The following MED12L variants were observed in gnomAD, a reference collection of about 807,000 sequenced individuals.
The protein encoded by MED12L is mediator of RNA polymerase II transcription subunit 12-like protein.
MED12L carries 60 observed loss-of-function variants against 281.3 expected under a neutral mutation model. The observed-to-expected ratio is 0.21, with a 90% CI of 0.17 to 0.26. The LOEUF is 0.26. MED12L is among the 10% of genes least tolerant of loss of function. The pLI, the probability that MED12L is intolerant of heterozygous loss-of-function variation, is 1.00. For synonymous variants in MED12L, 974 were observed against 987.2 expected, an observed-to-expected ratio of 0.99 and a Z score of 0.25; for missense variants, 2,146 against 2,680.9, an observed-to-expected ratio of 0.80 and a Z score of 4.41.
intron 38 of MED12L, among the ~76,000 whole-genome samples, chr3:151,392,399 A>G (rs112390110): frequency 0.013 from 1,938 of 151,310 alleles, 24 homozygotes; most frequent in African/African-American, 0.026. Flanking sequence ...CTAGGAGGCA[A>G]AGGTTGCTTG....
At chr3:151,355,029 A>G (rs1379116547) in intron 17 of MED12L, 92 bp from the exon 18 acceptor site, 1 of 855,642 alleles carries the variant, frequency 1.2e-6, no homozygotes, top group Non-Finnish European at 1.9e-6. Context: ...ACTTTTCTGT[A>G]TGTATGCTAT....
chr3:151,210,222 C>T (rs998911366), intron 16 of MED12L, among the ~76,000 whole-genome samples: 1 of 152,190 alleles, frequency 6.6e-6, no homozygotes, highest in Non-Finnish European at 1.5e-5. Flanking sequence ...TGGAATCAGA[C>T]ATGCTGATTG....
rs777345417 is a variant in MED12L at position 151,114,754 on chromosome 3, G to GT, written c.100-1570dup. On this transcript the variant is annotated intron_variant, in intron 2 of 44. Coordinates refer to ENST00000687756, the MANE Select transcript of MED12L (RefSeq NM_001393769.1). ...ATGATAATCTGGGTAGGGCAAGAAG[G>GT]TTTTTTTTTTTTTTCTTTTTTAAAG... Among the ~76,000 whole-genome samples, 1,267 of 138,934 alleles carry GT rather than the reference G, an allele frequency of 9.1e-3. 12 individuals carry two copies. The highest frequency in any genetic ancestry group is 0.022 in the African/African-American group (835 of 38,074). The allele number at this position is 138,934 out of a possible 152,430, so 91.1% of individuals were successfully genotyped here. A position where few individuals can be genotyped will look rare whatever the true frequency, so the allele number is the denominator to read the frequency against.
chr3:151,216,515 G>A (rs537822409), intron 16 of MED12L, among the ~76,000 whole-genome samples: 7 of 152,158 alleles, frequency 4.6e-5, no homozygotes, highest in African/African-American at 7.2e-5. Flanking sequence ...TTGTTTCTGC[G>A]TATTTTCCTT....
Position 151,360,608 on chromosome 3 carries a change from GAGT to G in MED12L, c.2957+6_2957+8del, listed in dbSNP as rs1754488732. 3 of 1,608,028 alleles carry G rather than the reference GAGT, an allele frequency of 1.9e-6. No individual in the cohort carries two copies. ...AGTAAATTTGGAGACCTCTTCAGGT[GAGT>G]AGAAGAGACTCAAAAGGACAGAAAT... On this transcript the variant is annotated splice_donor_5th_base_variant and intron_variant, in intron 21 of 44. Coordinates refer to ENST00000687756, the MANE Select transcript of MED12L (RefSeq NM_001393769.1).
At chr3:151,344,576 G>A (rs929472945) in intron 16 of MED12L, among the ~76,000 whole-genome samples, 1 of 152,120 alleles carries the variant, frequency 6.6e-6, no homozygotes, top group African/African-American at 2.4e-5. Flanking sequence ...TCTTAGAGAC[G>A]TGATAGGTTG....
At chr3:151,163,146 G>A (rs75454142) in intron 8 of MED12L, among the ~76,000 whole-genome samples, 4,729 of 152,200 alleles carry the variant, frequency 0.031, 225 homozygotes, top group African/African-American at 0.1. Flanking sequence ...TTTGGTAAAG[G>A]TGGGGGATAA....
chr3:151,197,537 A>G (rs1049418913), intron 16 of MED12L, among the ~76,000 whole-genome samples: 3 of 152,168 alleles, frequency 2.0e-5, no homozygotes, highest in Non-Finnish European at 4.4e-5. Flanking sequence ...GGCCTGTGCT[A>G]CATTCCTAAC....
chr3:151,144,263 T>G (rs939069393), intron 5 of MED12L, among the ~76,000 whole-genome samples: 3 of 151,620 alleles, frequency 2.0e-5, no homozygotes, highest in African/African-American at 7.3e-5. Context: ...AAAGGACAAC[T>G]GGGGGAAAAA....
At position 151,355,318 on chromosome 3, in the gene MED12L, T is replaced by C. The variant is rs534450237; in HGVS notation, c.2517+79T>C. On this transcript the variant is annotated intron_variant, in intron 18 of 44. Transcript: ENST00000687756. ...AATTTTTTTCATGCAGTATATTTTC[T>C]CAACCTTAATGGTTTTAGACATATA... The C allele has an allele frequency of 5.1e-4, 449 of 872,258 alleles. 4 individuals carry two copies. Among genetic ancestry groups the C allele is most frequent in the Admixed American group, 3.3e-3 (147 of 44,730 alleles). The allele number at this position is 872,258 out of a possible 1,614,324, so 54.0% of individuals were successfully genotyped here.
intron 16 of MED12L, among the ~76,000 whole-genome samples, chr3:151,298,561 C>T (rs1745415930): frequency 6.6e-6 from 1 of 152,198 alleles, no homozygotes; most frequent in African/African-American, 2.4e-5. Context: ...TTCTCTCTGA[C>T]TCTCATTCCA....
At chr3:151,384,336 A>C in intron 35 of MED12L, 118 bp downstream of exon 35, 1 of 1,059,368 alleles carries the variant, frequency 9.4e-7, no homozygotes, top group South Asian at 2.0e-5. Context: ...ATTTAATGTG[A>C]TTATTTGCTA....
chr3:151,334,093 A>G (rs1750657893), intron 16 of MED12L, among the ~76,000 whole-genome samples: 1 of 151,848 alleles, frequency 6.6e-6, no homozygotes, highest in Non-Finnish European at 1.5e-5. Context: ...AAGAAAAAAA[A>G]TCTTTTAAAT....
chr3:151,249,879 C>T (rs1057288803), intron 16 of MED12L, among the ~76,000 whole-genome samples: 6 of 152,136 alleles, frequency 3.9e-5, no homozygotes, highest in African/African-American at 9.7e-5. Flanking sequence ...TCCTATACTC[C>T]GTCTACTTGA....
intron 43 of MED12L, among the ~76,000 whole-genome samples, chr3:151,424,793 C>G (rs1341509686): frequency 6.6e-6 from 1 of 152,190 alleles, no homozygotes; most frequent in African/African-American, 2.4e-5. Flanking sequence ...ATGCACAACC[C>G]TATACGTTGT....
At chr3:151,203,297 C>T (rs1361270386) in intron 16 of MED12L, 1 of 152,022 alleles carries the variant, frequency 6.6e-6, no homozygotes, top group Non-Finnish European at 1.5e-5. Context: ...AGTAGTTTAA[C>T]TTTATGAAAG....
intron 26 of MED12L, among the ~76,000 whole-genome samples, chr3:151,370,879 A>G (rs193145668): frequency 6.6e-5 from 10 of 152,306 alleles, no homozygotes; most frequent in Admixed American, 4.6e-4. Context: ...GATTTGTAGG[A>G]TTAGTCTAAT....
chr3:151,134,224 A>G (rs1176130904), intron 5 of MED12L, among the ~76,000 whole-genome samples: 2 of 148,384 alleles, frequency 1.3e-5, no homozygotes, highest in African/African-American at 5.0e-5. Flanking sequence ...GAAAATGGTC[A>G]GTCCCTCACC....
intron 5 of MED12L, among the ~76,000 whole-genome samples, chr3:151,141,178 G>GTTTTTTTGTTTTTT (rs1553808457): frequency 2.0e-5 from 2 of 102,188 alleles, no homozygotes; most frequent in Non-Finnish European, 3.8e-5. Context: ...TTTTTTTTTT[G>GTTTTTTTGTTTTTT]TTTTTTTTGT....
Sources: allele counts gnomAD v4.1 joint callset (sites outside exome capture counted in the v4.1 genomes callset), GRCh38; gene constraint gnomAD v4.1.1; transcripts MANE v1.5; gene names NCBI Gene and HGNC (gene_info 2026-07-23, HGNC 2026-07-21).